The following USP45 variants were observed in gnomAD, a reference collection of about 807,000 sequenced individuals.
USP45 encodes the protein ubiquitin carboxyl-terminal hydrolase 45.
Under a neutral mutation model 95.8 loss-of-function variants are expected in USP45, and 89 were observed. The ratio of observed to expected loss-of-function variants is 0.93; its 90% confidence interval spans 0.78 to 1.11. The LOEUF (loss-of-function observed/expected upper bound fraction) is 1.11, where lower values mean the gene tolerates loss of function less well. USP45 is among the 50% of genes least tolerant of loss of function. USP45 has a pLI of 0.00. For missense variants in USP45, 898 were observed against 942.5 expected, an observed-to-expected ratio of 0.95 and a Z score of 0.62; for synonymous variants, 281 against 316.2, an observed-to-expected ratio of 0.89 and a Z score of 1.18.
upstream of USP45, among the ~76,000 whole-genome samples, chr6:99,516,028 C>G (rs1405807752): frequency 6.6e-6 from 1 of 152,070 alleles, no homozygotes; most frequent in Non-Finnish European, 1.5e-5. Context: ...CCGCCCGCCC[C>G]GGCCTCCCAA....
chr6:99,459,270 G>A (rs1415794303), intron 13 of USP45, among the ~76,000 whole-genome samples: 1 of 152,070 alleles, frequency 6.6e-6, no homozygotes, highest in Non-Finnish European at 1.5e-5. Flanking sequence ...GTTTGCTAAC[G>A]ACAATGGCCT....
chr6:99,462,050 A>C lies in USP45; in HGVS notation c.1308+2554T>G, dbSNP rs759347134. The C allele has an allele frequency of 8.6e-5, 85 of 985,364 alleles. 1 individual carries two copies. The highest frequency in any genetic ancestry group is 1.0e-4 in the Non-Finnish European group (83 of 829,864). 61.0% of individuals were successfully genotyped at this position (985,364 alleles called of 1,614,324 possible). ...TCGCTTCTTGAATATAGTACCTTAA[A>C]GATGTTATTAGAACTGTACTTTTCT... On this transcript the variant is annotated intron_variant, in intron 13 of 17. Coordinates refer to ENST00000500704, the MANE Select transcript of USP45 (RefSeq NM_001346022.3).
chr6:99,435,960 G>A, intron 17 of USP45, 114 bp from the exon 18 acceptor site: 1 of 1,111,996 alleles, frequency 9.0e-7, no homozygotes, highest in Non-Finnish European at 1.2e-6. Flanking sequence ...AATTTTACCT[G>A]AGAAGCCTGT....
intron 15 of USP45, among the ~76,000 whole-genome samples, chr6:99,440,784 T>C (rs760051209): frequency 1.3e-5 from 2 of 152,186 alleles, no homozygotes; most frequent in Non-Finnish European, 2.9e-5. Context: ...AATTATGACA[T>C]CATATCCCAG....
chr6:99,443,337 G>A (rs1005960607), intron 15 of USP45, among the ~76,000 whole-genome samples: 1 of 152,138 alleles, frequency 6.6e-6, no homozygotes, highest in Non-Finnish European at 1.5e-5. Context: ...CACACACAGA[G>A]ATACCATTTA....
At chr6:99,460,570 C>A (rs571424099) in intron 13 of USP45, among the ~76,000 whole-genome samples, 2 of 152,190 alleles carry the variant, frequency 1.3e-5, no homozygotes, top group East Asian at 3.9e-4. Context: ...CAATTTAGCA[C>A]CTAGGAAAAA....
intron 13 of USP45, among the ~76,000 whole-genome samples, chr6:99,463,182 C>A (rs1474306632): frequency 7.6e-6 from 1 of 130,802 alleles, no homozygotes; most frequent in Non-Finnish European, 1.6e-5. Context: ...TTACAATGAT[C>A]ACCATTTCAT....
At chr6:99,516,449 A>G (rs1430329559), upstream of USP45, among the ~76,000 whole-genome samples, 1 of 152,262 alleles carries the variant, frequency 6.6e-6, no homozygotes, top group Non-Finnish European at 1.5e-5. Flanking sequence ...TACGAGAGTT[A>G]AAATTGCAAA....
At chr6:99,469,644 T>A (rs1788899649) in intron 9 of USP45, among the ~76,000 whole-genome samples, 1 of 151,686 alleles carries the variant, frequency 6.6e-6, no homozygotes, top group African/African-American at 2.4e-5. Flanking sequence ...GACACCTGGC[T>A]AATTTTTAAA....
At chr6:99,441,958 AG>A (rs1464874346) in intron 15 of USP45, among the ~76,000 whole-genome samples, 1 of 152,194 alleles carries the variant, frequency 6.6e-6, no homozygotes, top group Non-Finnish European at 1.5e-5. Context: ...ACAGCCCTAA[AG>A]CTACCATAGA....
chr6:99,506,292 G>A (rs1372708627), intron 4 of USP45, among the ~76,000 whole-genome samples: 2 of 152,168 alleles, frequency 1.3e-5, no homozygotes, highest in Admixed American at 6.5e-5. Context: ...CCAAAACAGT[G>A]TGATATGCTA....
chr6:99,451,835 T>C (rs996462894), intron 13 of USP45, among the ~76,000 whole-genome samples: 3 of 152,106 alleles, frequency 2.0e-5, no homozygotes, highest in African/African-American at 4.8e-5. Flanking sequence ...AACAGAGATA[T>C]AGACCAATGG....
chr6:99,507,485 T>C lies in USP45; in HGVS notation c.320A>G (p.Lys107Arg). ...SESQHSLKHF[K>R]SSRTEPHCII... ...ACAATGGGGCTCTGTTCTGGAACTC[T>C]TAAAGTGCTTCAATGAATGTTGGCT... Residue 107 changes from lysine (K) to arginine (R), a missense_variant, in exon 4 of 18, where the codon AAG (lysine) becomes AGG (arginine). By Grantham distance (26) the Lys-to-Arg change is conservative (BLOSUM62 2). Transcript: ENST00000500704. The C allele has an allele frequency of 1.2e-6, 2 of 1,613,492 alleles. No individual in the cohort carries two copies. The highest frequency in any genetic ancestry group is 1.3e-5 in the African/African-American group (1 of 75,038).
intron 5 of USP45, among the ~76,000 whole-genome samples, chr6:99,491,451 A>G (rs563369257): frequency 6.6e-6 from 1 of 152,294 alleles, no homozygotes; most frequent in South Asian, 2.1e-4. Context: ...GCTGTTGCCA[A>G]AAGGTGGTTT....
chr6:99,485,943 A>T (rs910282319), intron 7 of USP45, among the ~76,000 whole-genome samples: 2 of 152,190 alleles, frequency 1.3e-5, no homozygotes, highest in African/African-American at 4.8e-5. Context: ...CCATTCCGAT[A>T]AAACTTTCAG....
intron 13 of USP45, chr6:99,462,687 A>G: frequency 1.0e-6 from 1 of 985,746 alleles, no homozygotes; most frequent in Non-Finnish European, 1.2e-6. Context: ...TAACAGAGTA[A>G]GTTAAATTCA....
chr6:99,476,165 G>A lies in USP45; in HGVS notation c.911C>T (p.Ala304Val). 1 of 1,613,820 alleles carries A rather than the reference G, an allele frequency of 6.2e-7. No individual in the cohort carries two copies. The change falls in exon 9 of 18, where the codon GCA becomes GTA. Residue 304 changes from alanine to valine, a missense_variant. Coordinates refer to ENST00000500704, the MANE Select transcript of USP45 (RefSeq NM_001346022.3). ...GACCTTTGTTTCTTCTGTCCTCACT[G>A]CATCCAGAAGATAATGAAGAAGCTC... ...SQELLHYLLDAVRTEETKRIQ... is the reference protein window; with the variant it reads ...SQELLHYLLDVVRTEETKRIQ...
chr6:99,458,052 G>A (rs1430949196), intron 13 of USP45, among the ~76,000 whole-genome samples: 6 of 152,196 alleles, frequency 3.9e-5, no homozygotes, highest in Non-Finnish European at 7.4e-5. Context: ...ATGGAGTCTC[G>A]CTCTGTTGCC....
chr6:99,465,656 A>G (rs1448208943), intron 11 of USP45, among the ~76,000 whole-genome samples: 1 of 152,214 alleles, frequency 6.6e-6, no homozygotes, highest in Non-Finnish European at 1.5e-5. Context: ...TCAATGTGAC[A>G]GGCTAGAATG....
Sources: allele counts gnomAD v4.1 joint callset (sites outside exome capture counted in the v4.1 genomes callset), GRCh38; gene constraint gnomAD v4.1.1; transcripts MANE v1.5; gene names NCBI Gene and HGNC (gene_info 2026-07-23, HGNC 2026-07-21).